Variants in PCDHGA3 observed in about 807,000 individuals in gnomAD.
PCDHGA3 encodes the protein protocadherin gamma-A3.
A neutral mutation model predicts 58.5 loss-of-function variants in PCDHGA3; 40 were observed. That is an observed-to-expected ratio of 0.68 (90% CI 0.53 to 0.89). The LOEUF is 0.89. Ranked by LOEUF, PCDHGA3 falls within the 40% of genes least tolerant of loss-of-function variation. The probability of loss-of-function intolerance (pLI) is 0.00; values close to 1 mark genes in which losing one functional copy is unlikely to be tolerated. For missense variants in PCDHGA3, 1,223 were observed against 1,195.9 expected, an observed-to-expected ratio of 1.02 and a Z score of -0.33; for synonymous variants, 530 against 525.7, an observed-to-expected ratio of 1.01 and a Z score of -0.11.
In PCDHGA3 at chr5:141,366,650, A is replaced by G. The variant is rs879057621; in HGVS notation, c.2424+20193A>G. 6.2e-7 allele frequency: 1 copy of G among 1,614,262 alleles called. No homozygotes were observed. Among genetic ancestry groups the G allele is most frequent in the South Asian group, 1.1e-5 (1 of 91,092 alleles). The stretch of plus-strand genomic sequence containing the variant: ...GAGTCACCTGATCTTTCCCCAGCCC[A>G]ACTACGCAGACACGCTCCTTAGTGA... On this transcript the variant is annotated intron_variant, in intron 1 of 3. Transcript: ENST00000253812.
intron 1 of PCDHGA3, chr5:141,350,317 G>A: frequency 6.5e-7 from 1 of 1,527,098 alleles, no homozygotes; most frequent in Non-Finnish European, 8.8e-7. Flanking sequence ...TTCCCTTCCT[G>A]CTGTCTTTGT....
At chr5:141,409,866 G>T in intron 1 of PCDHGA3, 1 of 1,612,376 alleles carries the variant, frequency 6.2e-7, no homozygotes, top group Non-Finnish European at 8.5e-7. Context: ...GTGGGAGACC[G>T]CAATGACAAC....
Position 141,343,940 on chromosome 5 carries a change from C to A in PCDHGA3, c.-94C>A. ...CCAGCTGTTTGACCTGTGAATTAGG[C>A]CCGTAAAAGACTTCGTTTCTTGAGA... On this transcript the variant is annotated 5_prime_UTR_variant, in exon 1 of 4. Transcript: ENST00000253812. 1 of 1,176,862 alleles carries A rather than the reference C, an allele frequency of 8.5e-7. No individual in the cohort carries two copies. Among genetic ancestry groups the A allele is most frequent in the Non-Finnish European group, 1.2e-6 (1 of 844,056 alleles). The allele number at this position is 1,176,862 out of a possible 1,614,324, so 72.9% of individuals were successfully genotyped here. A position where few individuals can be genotyped will look rare whatever the true frequency, so the allele number is the denominator to read the frequency against.
At chr5:141,351,178 A>G in intron 1 of PCDHGA3, 1 of 1,614,062 alleles carries the variant, frequency 6.2e-7, no homozygotes, top group Non-Finnish European at 8.5e-7. Context: ...TGGATTTTGA[A>G]GAGACAAGTA....
At chr5:141,414,564 C>G in intron 1 of PCDHGA3, 1 of 1,613,948 alleles carries the variant, frequency 6.2e-7, no homozygotes, top group East Asian at 2.2e-5. Context: ...CCTACTTTAC[C>G]TATATCCCAG....
At chr5:141,438,630 A>ATG (rs2098034686) in intron 1 of PCDHGA3, among the ~76,000 whole-genome samples, 1 of 38,920 alleles carries the variant, frequency 2.6e-5, no homozygotes, top group Non-Finnish European at 4.2e-5. Flanking sequence ...ATATATATAT[A>ATG]TATATACACA....
intron 1 of PCDHGA3, chr5:141,414,723 C>T (rs775890033): frequency 1.9e-6 from 3 of 1,614,170 alleles, no homozygotes. Context: ...CAGACACTGG[C>T]GTCCTGTATG....
In PCDHGA3 at chr5:141,408,415, G is replaced by A. The variant is rs554066897; in HGVS notation, c.2424+61958G>A. The A allele has an allele frequency of 1.8e-5, 29 of 1,614,074 alleles. 1 individual carries two copies. In the South Asian group the frequency reaches 2.9e-4, roughly 16 times the overall value. On this transcript the variant is annotated intron_variant, in intron 1 of 3. Coordinates refer to ENST00000253812, the MANE Select transcript of PCDHGA3 (RefSeq NM_018916.4). Reference sequence around the variant, plus strand: ...CTCGCAAGCTGCGAGTGAGCGCGGAGAAGCTGCACTTCAGCGTAGACGCGG... The same window carrying A: ...CTCGCAAGCTGCGAGTGAGCGCGGAAAAGCTGCACTTCAGCGTAGACGCGG...
At chr5:141,399,795 G>C in intron 1 of PCDHGA3, 2 of 1,613,204 alleles carry the variant, frequency 1.2e-6, no homozygotes, top group Non-Finnish European at 1.7e-6. Context: ...ACAACGCACC[G>C]CGGGTGCTGT....
intron 1 of PCDHGA3, chr5:141,404,131 A>G (rs756505012): frequency 1.2e-6 from 2 of 1,613,162 alleles, no homozygotes; most frequent in South Asian, 2.2e-5. Context: ...TATCTTTTAC[A>G]TTAGAAAATT....
rs376527354 is a variant in PCDHGA3, at chr5:141,439,129, G to A, written c.2425-55678G>A. Among the ~76,000 whole-genome samples the A allele has an allele frequency of 7.3e-5, 11 of 151,064 alleles. No individual in the cohort carries two copies. The South Asian group carries it at 2.3e-3, about 32-fold the overall frequency. The stretch of plus-strand genomic sequence containing the variant: ...AATCACTTGAACCCGGGAGACAGAG[G>A]TTGCAGTGAGCTGAGATCACGCCAC... On this transcript the variant is annotated intron_variant, in intron 1 of 3. Coordinates refer to ENST00000253812, the MANE Select transcript of PCDHGA3 (RefSeq NM_018916.4).
In PCDHGA3 at chr5:141,345,344, C is replaced by A; in HGVS notation, c.1311C>A (p.His437Gln). The A allele has an allele frequency of 6.2e-7, 1 of 1,614,076 alleles. No individual in the cohort carries two copies. Among genetic ancestry groups the A allele is most frequent in the Non-Finnish European group, 8.5e-7 (1 of 1,179,950 alleles). ...GCCCGCCACTGTCCACAGAAACTCA[C>A]ATCACCCTGCATGTGATTGACATCA... ...GGSPPLSTET[H>Q]ITLHVIDIND... The change falls in exon 1 of 4, where the codon CAC becomes CAA. Residue 437 changes from histidine (H) to glutamine (Q), a missense_variant. Physicochemically the swap from His to Gln is conservative, Grantham distance 24. Coordinates refer to ENST00000253812, the MANE Select transcript of PCDHGA3 (RefSeq NM_018916.4).
Position 141,431,334 on chromosome 5 carries a change from C to G in PCDHGA3, c.2425-63473C>G, listed in dbSNP as rs775651426. ...AATGGAGCCGACGGTAGTAAGTACC[C>G]CGAATTGGTGCTGAAACGCGCCCTG... On this transcript the variant is annotated intron_variant, in intron 1 of 3. Transcript: ENST00000253812. This position sits in a 1 kb window ranked among gnomAD's most constrained non-coding sequence, Gnocchi z 4.8. 1.9e-6 allele frequency: 3 copies of G among 1,614,118 alleles called. No individual in the cohort carries two copies. The South Asian group carries it at 3.3e-5, about 18-fold the overall frequency.
At chr5:141,409,402 C>G (rs2095262140) in intron 1 of PCDHGA3, 2 of 1,613,924 alleles carry the variant, frequency 1.2e-6, no homozygotes, top group Non-Finnish European at 8.5e-7. Context: ...CTTCCAATAA[C>G]TACTACAAAC....
At chr5:141,390,110 C>T (rs2092051149) in intron 1 of PCDHGA3, 22 of 1,613,970 alleles carry the variant, frequency 1.4e-5, no homozygotes, top group Non-Finnish European at 1.9e-5. Flanking sequence ...CCAACTACAG[C>T]GAGGGGACTT....
chr5:141,420,123 G>A (rs1335693841), intron 1 of PCDHGA3: 1 of 1,613,968 alleles, frequency 6.2e-7, no homozygotes, highest in Non-Finnish European at 8.5e-7. Flanking sequence ...TATAATTTTT[G>A]TGTGCCTGGG....
At position 141,366,426 on chromosome 5, in the gene PCDHGA3, C is replaced by T. The variant is rs764011656; in HGVS notation, c.2424+19969C>T. On this transcript the variant is annotated intron_variant, in intron 1 of 3. Transcript: ENST00000253812. ...CTCTATCTTGTGGTGGCAGTGGCTG[C>T]AGTCTCCTGCGTCTTCCTGGCCTTC... 1.7e-5 allele frequency: 27 copies of T among 1,613,942 alleles called. No homozygotes were observed. Among genetic ancestry groups the T allele is most frequent in the Middle Eastern group, 1.6e-4 (1 of 6,084 alleles).
chr5:141,348,397 T>C (rs895476646), intron 1 of PCDHGA3, among the ~76,000 whole-genome samples: 3 of 152,148 alleles, frequency 2.0e-5, no homozygotes, highest in Non-Finnish European at 4.4e-5. Flanking sequence ...AGCATGACCC[T>C]GTCTCAAAAG....
At chr5:141,418,057 G>A (rs2096216088) in intron 1 of PCDHGA3, 2 of 1,614,050 alleles carry the variant, frequency 1.2e-6, no homozygotes, top group East Asian at 4.5e-5. Context: ...CTCGCGAGCT[G>A]CGAGTGAGCG....
Sources: gnomAD v4.1 joint callset for allele counts (sites outside exome capture counted in the v4.1 genomes callset) on GRCh38, gnomAD v4.1.1 for gene constraint, Gnocchi (gnomAD v3.1) non-coding constraint, MANE v1.5 for transcripts, NCBI Gene and HGNC (gene_info 2026-07-23, HGNC 2026-07-21) for gene names.